Variants in BMPR1A observed in about 807,000 individuals in gnomAD.
BMPR1A encodes bone morphogenetic protein receptor type 1A, also known as bone morphogenetic protein receptor type-1A.
A neutral mutation model predicts 66.0 loss-of-function variants in BMPR1A; 7 were observed. The observed-to-expected ratio is 0.11, with a 90% CI of 0.06 to 0.20. The LOEUF (loss-of-function observed/expected upper bound fraction) is 0.20. Among genes scored for constraint, BMPR1A ranks in the 10% least tolerant of loss-of-function variants. BMPR1A has a pLI of 1.00. For synonymous variants in BMPR1A, 200 were observed against 229.7 expected (o/e 0.87, Z 1.17); for missense variants, 408 against 669.1 (o/e 0.61, Z 4.31).
intron 7 of BMPR1A, among the ~76,000 whole-genome samples, chr10:86,905,012 C>G (rs1480630158): frequency 6.6e-6 from 1 of 152,188 alleles, no homozygotes; most frequent in Non-Finnish European, 1.5e-5. Context: ...TTCTCCATAG[C>G]AAACCGTAAA....
intron 2 of BMPR1A, among the ~76,000 whole-genome samples, chr10:86,875,208 A>C (rs1156388488): frequency 6.6e-6 from 1 of 151,686 alleles, no homozygotes; most frequent in Non-Finnish European, 1.5e-5. Context: ...CCCCATCTCT[A>C]CTAAAAATAC....
intron 2 of BMPR1A, among the ~76,000 whole-genome samples, chr10:86,840,615 T>A (rs1842413353): frequency 6.6e-6 from 1 of 152,194 alleles, no homozygotes; most frequent in Admixed American, 6.5e-5. Flanking sequence ...GTTGTGGCAT[T>A]TTCTCTAAGC....
At chr10:86,792,061 ATCTTTTT>A (rs1358761314) in intron 1 of BMPR1A, among the ~76,000 whole-genome samples, 1 of 125,532 alleles carries the variant, frequency 8.0e-6, no homozygotes, top group East Asian at 2.6e-4. Flanking sequence ...TTACTGTCAG[ATCTTTTT>A]TTTTTTTTTT....
intron 1 of BMPR1A, among the ~76,000 whole-genome samples, chr10:86,789,186 A>C (rs1841562690): frequency 6.6e-6 from 1 of 152,220 alleles, no homozygotes. Flanking sequence ...AAAACCATAA[A>C]AATCTTAGAA....
chr10:86,826,270 A>T (rs985578146), intron 1 of BMPR1A, among the ~76,000 whole-genome samples: 2 of 152,046 alleles, frequency 1.3e-5, no homozygotes, highest in Non-Finnish European at 2.9e-5. Flanking sequence ...TGTGATCCCT[A>T]TTTAAATTTC....
intron 1 of BMPR1A, among the ~76,000 whole-genome samples, chr10:86,782,077 G>T (rs1841446154): frequency 6.6e-6 from 1 of 151,854 alleles, no homozygotes. Context: ...TGGTCAGCCT[G>T]GTCTTGAACT....
intron 2 of BMPR1A, among the ~76,000 whole-genome samples, chr10:86,867,405 C>G (rs1336132547): frequency 6.6e-6 from 1 of 152,198 alleles, no homozygotes; most frequent in African/African-American, 2.4e-5. Context: ...AGACCCTCTC[C>G]CTTTCCAGAC....
chr10:86,838,103 G>A lies in BMPR1A; in HGVS notation c.-267-762G>A, dbSNP rs546309699. Among the ~76,000 whole-genome samples, 9 of 152,198 alleles carry A rather than the reference G, an allele frequency of 5.9e-5. No homozygotes were observed. The South Asian group carries it at 1.5e-3, about 25-fold the overall frequency. The stretch of plus-strand genomic sequence containing the variant: ...AAAAGATTGAATGATTTTTAAGATC[G>A]CAAAGTAAACAGCAGACATACCTTT... On this transcript the variant is annotated intron_variant, in intron 1 of 12. Coordinates refer to ENST00000372037, the MANE Select transcript of BMPR1A (RefSeq NM_004329.3).
rs946530542 is a variant in BMPR1A at position 86,855,293 on chromosome 10, TC to T, written c.-153+16316del. 6.6e-6 allele frequency: 7 copies of T among 1,063,990 alleles called. No individual in the cohort carries two copies. In the African/African-American group the frequency reaches 1.1e-4, roughly 17 times the overall value. The allele number at this position is 1,063,990 out of a possible 1,614,324, so 65.9% of individuals were successfully genotyped here. On this transcript the variant is annotated intron_variant, in intron 2 of 12. Transcript: ENST00000372037. ...ACAAAAACCTCAGTTTCTTCTGTCTTCCACCCAATCAAAGTCTCCTTCAAAA... is the reference window on the plus strand; with the variant it reads ...ACAAAAACCTCAGTTTCTTCTGTCTTCACCCAATCAAAGTCTCCTTCAAAA...
chr10:86,862,138 A>G (rs1382341706), intron 2 of BMPR1A, among the ~76,000 whole-genome samples: 2 of 152,208 alleles, frequency 1.3e-5, no homozygotes, highest in Non-Finnish European at 2.9e-5. Flanking sequence ...ATACAGAAAA[A>G]TTATATCAAA....
At chr10:86,789,041 G>T (rs1369929559) in intron 1 of BMPR1A, among the ~76,000 whole-genome samples, 7 of 152,110 alleles carry the variant, frequency 4.6e-5, no homozygotes. Context: ...AGGGTGTCAG[G>T]ACAATTCTAA....
intron 1 of BMPR1A, among the ~76,000 whole-genome samples, chr10:86,792,660 A>G (rs1293452305): frequency 6.6e-6 from 1 of 152,126 alleles, no homozygotes; most frequent in Non-Finnish European, 1.5e-5. Context: ...AGAACTTCAG[A>G]CATGTATGAC....
chr10:86,829,165 A>G (rs1197372437), intron 1 of BMPR1A, among the ~76,000 whole-genome samples: 1 of 152,140 alleles, frequency 6.6e-6, no homozygotes, highest in African/African-American at 2.4e-5. Context: ...CCTTGGCAGA[A>G]TTGAAATTTC....
intron 1 of BMPR1A, among the ~76,000 whole-genome samples, chr10:86,785,126 T>A (rs1357881405): frequency 6.6e-6 from 1 of 152,212 alleles, no homozygotes; most frequent in Admixed American, 6.5e-5. Flanking sequence ...TTTGTGAATT[T>A]TTTAGTTTTC....
At chr10:86,777,893 A>G (rs1318481284) in intron 1 of BMPR1A, among the ~76,000 whole-genome samples, 1 of 151,876 alleles carries the variant, frequency 6.6e-6, no homozygotes, top group African/African-American at 2.4e-5. Context: ...CATGCATGTA[A>G]TCTCATCTAC....
intron 7 of BMPR1A, among the ~76,000 whole-genome samples, chr10:86,900,619 TAAAC>T (rs372005795): frequency 2.2e-3 from 339 of 152,164 alleles, no homozygotes; most frequent in African/African-American, 7.6e-3. Context: ...AACCCATAAA[TAAAC>T]AAACCCAAGT....
At chr10:86,874,094 G>C (rs1242362547) in intron 2 of BMPR1A, among the ~76,000 whole-genome samples, 1 of 152,158 alleles carries the variant, frequency 6.6e-6, no homozygotes, top group Non-Finnish European at 1.5e-5. Context: ...CAAGATCTTT[G>C]TCATTCAGGA....
intron 1 of BMPR1A, among the ~76,000 whole-genome samples, chr10:86,782,716 C>G (rs1192323472): frequency 6.6e-6 from 1 of 151,758 alleles, no homozygotes; most frequent in Non-Finnish European, 1.5e-5. Context: ...TGTTTTGTTA[C>G]TGAGTTGTAG....
chr10:86,814,793 T>C (rs1276138258), intron 1 of BMPR1A, among the ~76,000 whole-genome samples: 1 of 152,086 alleles, frequency 6.6e-6, no homozygotes, highest in African/African-American at 2.4e-5. Flanking sequence ...TTTTTGTTTG[T>C]TTGTTTTTTT....
Sources: allele counts gnomAD v4.1 joint callset (sites outside exome capture counted in the v4.1 genomes callset), GRCh38; gene constraint gnomAD v4.1.1; transcripts MANE v1.5; gene names NCBI Gene and HGNC (gene_info 2026-07-23, HGNC 2026-07-21).